Variants in P4HA3 observed in about 807,000 individuals in gnomAD.
The protein encoded by P4HA3 is prolyl 4-hydroxylase subunit alpha-3.
A neutral mutation model predicts 66.7 loss-of-function variants in P4HA3; 60 were observed. The ratio of observed to expected loss-of-function variants is 0.90; its 90% CI spans 0.73 to 1.12. The LOEUF is 1.12. Among genes scored for constraint, P4HA3 ranks in the 50% most tolerant of loss-of-function variants. The pLI, the probability that P4HA3 is intolerant of heterozygous loss-of-function variation, is 0.00. For missense variants in P4HA3, 683 were observed against 685.8 expected (o/e 1.00, Z 0.05); for synonymous variants, 263 against 274.6 (o/e 0.96, Z 0.42).
At chr11:74,287,161 A>G (rs898989280) in intron 5 of P4HA3, 7 of 1,255,632 alleles carry the variant, frequency 5.6e-6, no homozygotes, top group Middle Eastern at 2.8e-4. Flanking sequence ...GCATTGGCAG[A>G]GCTACCCGTG....
chr11:74,311,616 A>C lies in P4HA3; in HGVS notation c.-5T>G. The C allele has an allele frequency of 2.7e-6, 4 of 1,494,982 alleles. No individual in the cohort carries two copies. The highest frequency in any genetic ancestry group is 2.3e-5 in the Admixed American group (1 of 42,990). 92.6% of individuals were successfully genotyped at this position (1,494,982 alleles called of 1,614,324 possible). On this transcript the variant is annotated 5_prime_UTR_variant, in exon 1 of 13. Transcript: ENST00000331597. ...CAGCCGCGCCCCAGGACCCATAGCC[A>C]GCGCTCGCGAACTTCCCCTCAGACA...
rs1472824731 is a variant in P4HA3, at chr11:74,285,792, G to A, written c.1110+17C>T. The A allele has an allele frequency of 5.6e-6, 9 of 1,609,860 alleles. No homozygotes were observed. The highest frequency in any genetic ancestry group is 1.7e-5 in the Admixed American group (1 of 59,690). ...AAGATGAAAGAGAAATTCTTGGCGG[G>A]TTCTCAGGACACTCACCCATGGTTC... is the stretch of plus-strand genomic sequence containing the variant. On this transcript the variant is annotated intron_variant, in intron 7 of 12. Coordinates refer to ENST00000331597, the MANE Select transcript of P4HA3 (RefSeq NM_182904.5).
intron 10 of P4HA3, among the ~76,000 whole-genome samples, chr11:74,270,816 T>C (rs1860169988): frequency 6.6e-6 from 1 of 152,186 alleles, no homozygotes; most frequent in South Asian, 2.1e-4. Flanking sequence ...TGCTACACAT[T>C]TGGAAATTTA....
At position 74,273,630 on chromosome 11, in the gene P4HA3, A is replaced by G. The variant is rs577540939; in HGVS notation, c.1336-23T>C. The G allele has an allele frequency of 7.8e-6, 12 of 1,541,442 alleles. No individual in the cohort carries two copies. In the African/African-American group the frequency reaches 1.5e-4, roughly 20 times the overall value. ...TGACTGAGAAAAAAAAAAACAGAACATATTATTTTATGCAGATGGCACCAG... is the reference window on the plus strand; with the variant it reads ...TGACTGAGAAAAAAAAAAACAGAACGTATTATTTTATGCAGATGGCACCAG... On this transcript the variant is annotated intron_variant, in intron 9 of 12. Transcript: ENST00000331597.
intron 8 of P4HA3, 145 bp downstream of exon 8, chr11:74,279,243 C>G (rs970306704): frequency 2.7e-6 from 2 of 741,496 alleles, no homozygotes; most frequent in Non-Finnish European, 4.7e-6. Flanking sequence ...AAACTTCACC[C>G]TCTTAAAAAG....
At chr11:74,253,124 ACAGGG>A (rs1281036681) in intron 15 of P4HA3, among the ~76,000 whole-genome samples, 1 of 152,150 alleles carries the variant, frequency 6.6e-6, no homozygotes, top group African/African-American at 2.4e-5. Flanking sequence ...GATGAGAGTG[ACAGGG>A]CAGGGTAAGC....
intron 5 of P4HA3, among the ~76,000 whole-genome samples, chr11:74,287,804 G>A (rs962661610): frequency 6.6e-6 from 1 of 152,134 alleles, no homozygotes; most frequent in Non-Finnish European, 1.5e-5. Context: ...AACACTTGAG[G>A]CCAGGAGTTT....
intron 15 of P4HA3, chr11:74,253,731 C>G (rs970792289): frequency 1.6e-5 from 10 of 610,322 alleles, no homozygotes; most frequent in Non-Finnish European, 2.6e-5. Context: ...TCCAGGGCTC[C>G]CCTGCTCCTT....
intron 4 of P4HA3, among the ~76,000 whole-genome samples, chr11:74,292,751 C>T (rs569441322): frequency 0.035 from 5,302 of 152,134 alleles, 124 homozygotes; most frequent in Non-Finnish European, 0.055. Flanking sequence ...TGTAGTTGAG[C>T]GGTTTTGAGT....
intron 8 of P4HA3, 40 bp from the exon 9 acceptor site, chr11:74,277,184 C>G (rs1279703123): frequency 6.4e-7 from 1 of 1,574,006 alleles, no homozygotes; most frequent in Admixed American, 1.8e-5. Flanking sequence ...TGATCTGTTG[C>G]CCGAAATGAC....
chr11:74,291,739 G>T (rs2134784471), intron 4 of P4HA3, among the ~76,000 whole-genome samples: 1 of 152,282 alleles, frequency 6.6e-6, no homozygotes, highest in South Asian at 2.1e-4. Context: ...TTATATGTTG[G>T]ATTACATTTA....
chr11:74,308,432 T>C (rs539829620), intron 1 of P4HA3, among the ~76,000 whole-genome samples: 3 of 152,128 alleles, frequency 2.0e-5, no homozygotes, highest in East Asian at 3.9e-4. Context: ...CCTAGTTACT[T>C]GGTAGGCTTA....
chr11:74,251,511 T>G, intron 15 of P4HA3: 1 of 1,464,394 alleles, frequency 6.8e-7, no homozygotes, highest in Non-Finnish European at 9.0e-7. Flanking sequence ...GCCTAGGTCC[T>G]TTTAATTTCA....
intron 1 of P4HA3, among the ~76,000 whole-genome samples, chr11:74,310,469 A>G (rs1021428170): frequency 2.6e-5 from 4 of 152,366 alleles, no homozygotes; most frequent in Non-Finnish European, 5.9e-5. Context: ...TGACACACAT[A>G]TAACATCTCA....
chr11:74,302,915 TTTTC>T (rs1861454299), intron 2 of P4HA3, among the ~76,000 whole-genome samples: 1 of 152,064 alleles, frequency 6.6e-6, no homozygotes, highest in African/African-American at 2.4e-5. Flanking sequence ...TTTTCTTTTC[TTTTC>T]TTTTTTTCTC....
Position 74,311,435 on chromosome 11 carries a change from C to G in P4HA3, c.177G>C (p.Glu59Asp), listed in dbSNP as rs1289943255. Residue 59 changes from glutamate (E) to aspartate (D), a missense_variant, in exon 1 of 13, where the codon GAG becomes GAC. Coordinates refer to ENST00000331597, the MANE Select transcript of P4HA3 (RefSeq NM_182904.5). ...ACCTAGTCAGGTCCCGCAGCCGCGCCTCCTCCCCGCGCAGGTACCGCCTCA... is the reference window on the plus strand; with the variant it reads ...ACCTAGTCAGGTCCCGCAGCCGCGCGTCCTCCCCGCGCAGGTACCGCCTCA... ...GLLRRYLRGE[E>D]ARLRDLTRFY... is the part of the protein sequence containing the mutation. The G allele has an allele frequency of 6.5e-7, 1 of 1,535,798 alleles. No homozygotes were observed. The highest frequency in any genetic ancestry group is 8.7e-7 in the Non-Finnish European group (1 of 1,148,454).
Position 74,304,402 on chromosome 11 carries a change from TGTC to T in P4HA3, c.208_210del (p.Asp70del). On this transcript the variant is annotated inframe_deletion, in exon 2 of 13. Coordinates refer to ENST00000331597, the MANE Select transcript of P4HA3 (RefSeq NM_182904.5). ...GAATCCTCATGCAAAGAAAGTACCT[TGTC>T]GTAGAATCTGAAAGAAAGGAGTAGA... is the stretch of plus-strand genomic sequence containing the variant. The T allele has an allele frequency of 6.2e-7, 1 of 1,614,072 alleles. No homozygotes were observed. The highest frequency in any genetic ancestry group is 1.1e-5 in the South Asian group (1 of 91,070).
chr11:74,279,547 C>G (rs1035613426), intron 7 of P4HA3, 95 bp from the exon 8 acceptor site: 7 of 1,181,734 alleles, frequency 5.9e-6, no homozygotes, highest in Non-Finnish European at 8.9e-6. Flanking sequence ...TAAGCATCAA[C>G]ATAACAGATG....
At chr11:74,289,434 G>C (rs970330973) in intron 4 of P4HA3, among the ~76,000 whole-genome samples, 2 of 151,542 alleles carry the variant, frequency 1.3e-5, no homozygotes, top group African/African-American at 2.4e-5. Flanking sequence ...CTGTTGAATT[G>C]TTTTTTCTTT....
Sources: allele counts gnomAD v4.1 joint callset (sites outside exome capture counted in the v4.1 genomes callset), GRCh38; gene constraint gnomAD v4.1.1; transcripts MANE v1.5; gene names NCBI Gene and HGNC (gene_info 2026-07-23, HGNC 2026-07-21).